Variants in MALRD1 observed in about 807,000 individuals in gnomAD.
MALRD1 encodes MAM and LDL-receptor class A domain-containing protein 1.
MALRD1 carries 247 observed loss-of-function variants against 242.1 expected under a neutral mutation model. That is an observed-to-expected ratio of 1.02 (90% CI 0.92 to 1.13). The LOEUF (loss-of-function observed/expected upper bound fraction) is 1.13. Among genes scored for constraint, MALRD1 ranks in the 50% most tolerant of loss-of-function variants. The probability of loss-of-function intolerance (pLI) is 0.00; values close to 1 mark genes in which losing one functional copy is unlikely to be tolerated. For synonymous variants in MALRD1, 995 were observed against 866.6 expected, an observed-to-expected ratio of 1.15 and a Z score of -2.60; for missense variants, 2,989 against 2,533.1, an observed-to-expected ratio of 1.18 and a Z score of -3.86.
chr10:19,148,137 G>A (rs1833791676), intron 11 of MALRD1, among the ~76,000 whole-genome samples: 1 of 152,070 alleles, frequency 6.6e-6, no homozygotes, highest in Non-Finnish European at 1.5e-5. Context: ...AGGGTGAAAG[G>A]CTGGAGTCAA....
At chr10:19,289,780 C>A (rs2131914345) in intron 21 of MALRD1, among the ~76,000 whole-genome samples, 1 of 152,214 alleles carries the variant, frequency 6.6e-6, no homozygotes, top group African/African-American at 2.4e-5. Flanking sequence ...TCTCAGGCAT[C>A]TTGCTATAGA....
chr10:19,364,741 T>C (rs1298206079), intron 26 of MALRD1, among the ~76,000 whole-genome samples: 1 of 152,182 alleles, frequency 6.6e-6, no homozygotes, highest in East Asian at 1.9e-4. Context: ...GAACTGAATT[T>C]GTTAGAAAAC....
chr10:19,694,438 A>T (rs1462190500), intron 38 of MALRD1, among the ~76,000 whole-genome samples: 1 of 152,232 alleles, frequency 6.6e-6, no homozygotes, highest in East Asian at 1.9e-4. Context: ...TTCTCAAAAG[A>T]AGACATTTAT....
intron 34 of MALRD1, chr10:19,598,462 G>GT (rs947941824): frequency 2.7e-5 from 4 of 150,314 alleles, no homozygotes; most frequent in Admixed American, 6.6e-5. Context: ...AGTCTGAGTG[G>GT]TTTTTTTAAT....
At chr10:19,551,846 A>C (rs2131408190) in intron 32 of MALRD1, among the ~76,000 whole-genome samples, 1 of 152,250 alleles carries the variant, frequency 6.6e-6, no homozygotes, top group East Asian at 1.9e-4. Flanking sequence ...TATTGAGATA[A>C]TCATGTGGTT....
Position 19,389,536 on chromosome 10 carries a change from G to A in MALRD1, c.4772G>A (p.Ser1591Asn). Residue 1591 changes from serine (S) to asparagine (N), a missense_variant, in exon 28 of 40, where the codon AGT becomes AAT. Ser to Asn is a conservative substitution (Grantham distance 46). Coordinates refer to ENST00000454679, the MANE Select transcript of MALRD1 (RefSeq NM_001142308.3). ...AGGAGTACCATGTGGCGAGAATCCA[G>A]TGCAGCCTGCACCATGAGCTTCTGG... ...HFRSTMWRES[S>N]AACTMSFWYF... The A allele has an allele frequency of 6.4e-7, 1 of 1,550,738 alleles. No homozygotes were observed. Among genetic ancestry groups the A allele is most frequent in the South Asian group, 1.2e-5 (1 of 84,060 alleles).
chr10:19,169,728 A>G (rs530642659), intron 13 of MALRD1, among the ~76,000 whole-genome samples: 1 of 152,244 alleles, frequency 6.6e-6, no homozygotes, highest in African/African-American at 2.4e-5. Context: ...AATGAAAAAG[A>G]TATTCTACCT....
intron 36 of MALRD1, among the ~76,000 whole-genome samples, chr10:19,641,346 A>G (rs1840377405): frequency 6.6e-6 from 1 of 152,210 alleles, no homozygotes; most frequent in African/African-American, 2.4e-5. Flanking sequence ...CCCTTTGATC[A>G]CTAAACAGAG....
At chr10:19,383,913 A>G (rs1354978550) in intron 26 of MALRD1, among the ~76,000 whole-genome samples, 1 of 151,960 alleles carries the variant, frequency 6.6e-6, no homozygotes, top group Non-Finnish European at 1.5e-5. Flanking sequence ...GAGTGCTATG[A>G]TATGGGAAGT....
At chr10:19,534,648 C>T (rs1215099342) in intron 32 of MALRD1, among the ~76,000 whole-genome samples, 1 of 151,888 alleles carries the variant, frequency 6.6e-6, no homozygotes, top group Non-Finnish European at 1.5e-5. Context: ...CACCATAAAA[C>T]AAATCTTAAA....
intron 21 of MALRD1, among the ~76,000 whole-genome samples, chr10:19,315,547 A>AATATAAGTATAATTTATATAAATAT (rs1564554953): frequency 3.2e-4 from 14 of 44,422 alleles, no homozygotes; most frequent in African/African-American, 1.6e-3. Context: ...AATATATAAA[A>AATATAAGTATAATTTATATAAATAT]ATATAAATAT....
chr10:19,579,271 T>C (rs766905099), intron 33 of MALRD1, among the ~76,000 whole-genome samples: 1 of 152,162 alleles, frequency 6.6e-6, no homozygotes, highest in Non-Finnish European at 1.5e-5. Flanking sequence ...GAGTCTTGAG[T>C]GGTCTTCTCT....
chr10:19,389,329 G>T, intron 27 of MALRD1, 123 bp from the exon 28 acceptor site: 2 of 1,076,038 alleles, frequency 1.9e-6, no homozygotes, highest in South Asian at 2.7e-5. Context: ...TGTTCCAAAT[G>T]AAAATACTTT....
chr10:19,116,527 A>T (rs1462426357), intron 5 of MALRD1, among the ~76,000 whole-genome samples: 1 of 152,192 alleles, frequency 6.6e-6, no homozygotes, highest in Non-Finnish European at 1.5e-5. Flanking sequence ...CTGGAGTAAA[A>T]ACTGGATGTC....
intron 10 of MALRD1, among the ~76,000 whole-genome samples, chr10:19,137,655 C>T (rs911813733): frequency 3.3e-5 from 5 of 150,468 alleles, no homozygotes; most frequent in African/African-American, 7.3e-5. Flanking sequence ...CCATGACTGG[C>T]GTTTGGGAGG....
At chr10:19,145,721 C>T (rs1365112799) in intron 10 of MALRD1, among the ~76,000 whole-genome samples, 1 of 149,918 alleles carries the variant, frequency 6.7e-6, no homozygotes, top group African/African-American at 2.4e-5. Context: ...ACCTGCAATT[C>T]CAAAATGGCT....
intron 13 of MALRD1, among the ~76,000 whole-genome samples, chr10:19,169,728 A>T (rs530642659): frequency 6.6e-6 from 1 of 152,362 alleles, no homozygotes; most frequent in Non-Finnish European, 1.5e-5. Context: ...AATGAAAAAG[A>T]TATTCTACCT....
At chr10:19,548,247 C>G (rs1589227349) in intron 32 of MALRD1, among the ~76,000 whole-genome samples, 4 of 151,908 alleles carry the variant, frequency 2.6e-5, no homozygotes, top group African/African-American at 9.7e-5. Flanking sequence ...GATTTGCCCC[C>G]CTCTGCCGCC....
At chr10:19,164,014 A>G (rs1834561566) in intron 12 of MALRD1, among the ~76,000 whole-genome samples, 1 of 152,220 alleles carries the variant, frequency 6.6e-6, no homozygotes, top group Admixed American at 6.5e-5. Context: ...CAAGCTTGGG[A>G]CATAGTGAAA....
Sources: gnomAD v4.1 joint callset for allele counts (sites outside exome capture counted in the v4.1 genomes callset) on GRCh38, gnomAD v4.1.1 for gene constraint, MANE v1.5 for transcripts, NCBI Gene and HGNC (gene_info 2026-07-23, HGNC 2026-07-21) for gene names.